Variants in FGD5 observed in about 807,000 individuals in gnomAD.
FGD5 encodes FYVE, RhoGEF and PH domain-containing protein 5.
A neutral mutation model predicts 133.4 loss-of-function variants in FGD5; 28 were observed. The ratio of observed to expected loss-of-function variants is 0.21; its 90% CI spans 0.16 to 0.29. FGD5 has a LOEUF of 0.29. FGD5 is among the 10% of genes least tolerant of loss of function. The probability of loss-of-function intolerance (pLI) is 1.00; values close to 1 mark genes in which losing one functional copy is unlikely to be tolerated. For missense variants in FGD5, 1,858 were observed against 1,895.2 expected (o/e 0.98, Z 0.36); for synonymous variants, 810 against 776.5 (o/e 1.04, Z -0.72).
At chr3:14,836,319 C>T (rs1221344682) in intron 1 of FGD5, among the ~76,000 whole-genome samples, 1 of 152,214 alleles carries the variant, frequency 6.6e-6, no homozygotes, top group African/African-American at 2.4e-5. Context: ...CTGGTTCAAG[C>T]CCAAGTTTGC....
intron 1 of FGD5, among the ~76,000 whole-genome samples, chr3:14,842,492 C>T (rs1244775957): frequency 6.6e-6 from 1 of 152,244 alleles, no homozygotes. Flanking sequence ...ACCCATTATT[C>T]AGCTTCCCTC....
In FGD5 at chr3:14,933,435, C is replaced by T; in HGVS notation, c.*268C>T. ...CCCAGTAATAAACTATTTCCTTACC[C>T]CGCAGTGAGTTAAAATTTAGTAAGA... On this transcript the variant is annotated 3_prime_UTR_variant, in exon 20 of 20. Coordinates refer to ENST00000285046, the MANE Select transcript of FGD5 (RefSeq NM_152536.4). 1 of 441,396 alleles carries T rather than the reference C, an allele frequency of 2.3e-6. No homozygotes were observed. Among genetic ancestry groups the T allele is most frequent in the Non-Finnish European group, 4.1e-6 (1 of 244,220 alleles). 27.3% of individuals were successfully genotyped at this position (441,396 alleles called of 1,614,324 possible). A position where few individuals can be genotyped will look rare whatever the true frequency, so the allele number is the denominator to read the frequency against.
chr3:14,839,960 A>G (rs1358315558), intron 1 of FGD5, among the ~76,000 whole-genome samples: 3 of 150,910 alleles, frequency 2.0e-5, no homozygotes, highest in African/African-American at 4.9e-5. Flanking sequence ...AAACAAACAA[A>G]CAAACAGTGT....
chr3:14,819,496 C>T lies in FGD5; in HGVS notation c.425C>T (p.Ala142Val), dbSNP rs1462999768. 1.9e-6 allele frequency: 3 copies of T among 1,551,394 alleles called. 1 individual carries two copies. The highest frequency in any genetic ancestry group is 2.4e-5 in the South Asian group (2 of 84,048). Residue 142 changes from alanine to valine, a missense_variant, in exon 1 of 20, where the codon GCT (alanine) becomes GTT (valine). Ala to Val is a moderately conservative substitution (Grantham distance 64). Around this residue, in one of 3 missense-constraint regions of FGD5, gnomAD observed 1,824 missense variants for 1,848.9 expected, o/e 0.99. Coordinates refer to ENST00000285046, the MANE Select transcript of FGD5 (RefSeq NM_152536.4). The surrounding 1 kb of genome is among the most constrained non-coding windows in gnomAD (Gnocchi z 4.1). ...GAGGGTGAGGAAGGCACAGACCTTG[C>T]TCTTGAGGATGAAGGGGAGGGCTGC... The part of the protein sequence containing the change: ...SREGEEGTDL[A>V]LEDEGEGCAD...
At chr3:14,896,759 C>T (rs910793182) in intron 4 of FGD5, among the ~76,000 whole-genome samples, 45 of 152,298 alleles carry the variant, frequency 3.0e-4, no homozygotes, top group Middle Eastern at 3.4e-3. Flanking sequence ...GTGTGAGCCA[C>T]TGTGCCCAGC....
At chr3:14,903,651 G>A (rs7618031) in intron 9 of FGD5, among the ~76,000 whole-genome samples, 127,996 of 151,882 alleles carry the variant, frequency 0.84, 54,138 homozygotes, top group East Asian at 0.98. Flanking sequence ...ATGATTTCCA[G>A]TTTCATCCAT....
At chr3:14,882,160 G>A (rs2037837070) in intron 4 of FGD5, 2 of 310,612 alleles carry the variant, frequency 6.4e-6, no homozygotes, top group Admixed American at 6.5e-5. Context: ...ATACCTAAAA[G>A]ATCTATTTGG....
intron 1 of FGD5, among the ~76,000 whole-genome samples, chr3:14,852,363 G>T (rs1468617688): frequency 6.6e-6 from 1 of 152,240 alleles, no homozygotes; most frequent in Non-Finnish European, 1.5e-5. Flanking sequence ...ATGATTTCAT[G>T]TAATGAAATG....
intron 2 of FGD5, among the ~76,000 whole-genome samples, chr3:14,876,521 A>AAAATAAATAAAT (rs529307518): frequency 6.6e-6 from 1 of 152,126 alleles, no homozygotes; most frequent in South Asian, 2.1e-4. Flanking sequence ...TTTTATGCAA[A>AAAATAAATAAAT]AAATAAATAA....
intron 1 of FGD5, among the ~76,000 whole-genome samples, chr3:14,852,905 G>A (rs2037194311): frequency 6.6e-6 from 1 of 152,174 alleles, no homozygotes; most frequent in African/African-American, 2.4e-5. Context: ...CAGGCTGTGG[G>A]ATGTGTGTGT....
chr3:14,875,256 A>G (rs2037694234), intron 2 of FGD5, among the ~76,000 whole-genome samples: 1 of 152,002 alleles, frequency 6.6e-6, no homozygotes. Flanking sequence ...CACAAGGAAA[A>G]TTTCCCCAGG....
At chr3:14,840,411 C>T (rs1409801358) in intron 1 of FGD5, among the ~76,000 whole-genome samples, 1 of 152,146 alleles carries the variant, frequency 6.6e-6, no homozygotes, top group African/African-American at 2.4e-5. Context: ...TCCCAAAGTG[C>T]TGGGATTACA....
chr3:14,909,174 G>T (rs554716239), intron 10 of FGD5, among the ~76,000 whole-genome samples: 1 of 152,110 alleles, frequency 6.6e-6, no homozygotes, highest in South Asian at 2.1e-4. Flanking sequence ...CTCCATGTTG[G>T]TCAGGCTGGT....
rs1448630696 is a variant in FGD5 at position 14,820,003 on chromosome 3, C to T, written c.932C>T (p.Thr311Ile). ...KKTNQEVAAA[T>I]LEDHAQDESA... ...ACCAACCAAGAAGTGGCAGCCGCCA[C>T]CCTGGAGGACCATGCACAGGATGAG... The change falls in exon 1 of 20, where the codon ACC (threonine) becomes ATC (isoleucine). Residue 311 changes from threonine (T) to isoleucine (I), a missense_variant. Physicochemically the swap from Thr to Ile is moderately conservative, Grantham distance 89. Around this residue, in one of 3 missense-constraint regions of FGD5, gnomAD observed 1,824 missense variants for 1,848.9 expected, o/e 0.99. Transcript: ENST00000285046. The T allele has an allele frequency of 1.9e-6, 3 of 1,613,918 alleles. No individual in the cohort carries two copies. The highest frequency in any genetic ancestry group is 2.5e-6 in the Non-Finnish European group (3 of 1,179,866).
At position 14,934,066 on chromosome 3, in the gene FGD5, GTTT is replaced by G. The variant is rs1313452077; in HGVS notation, c.*900_*902del. 2.0e-5 allele frequency: 3 copies of G among 152,208 alleles called. No homozygotes were observed. The highest frequency in any genetic ancestry group is 7.2e-5 in the African/African-American group (3 of 41,448). The allele number at this position is 152,208 out of a possible 1,614,324, so 9.4% of individuals were successfully genotyped here. ...TTACCTCACTCAAGCTGACAACATT[GTTT>G]ATGGGAATCTATCCTTCTTTTAGAC... is the stretch of plus-strand genomic sequence containing the variant. On this transcript the variant is annotated 3_prime_UTR_variant, in exon 20 of 20. Transcript: ENST00000285046.
chr3:14,918,021 A>G (rs1454514114), intron 12 of FGD5, among the ~76,000 whole-genome samples: 2 of 152,222 alleles, frequency 1.3e-5, no homozygotes, highest in Non-Finnish European at 2.9e-5. Flanking sequence ...GATAGACCAC[A>G]TGGTGTTTAT....
intron 1 of FGD5, among the ~76,000 whole-genome samples, chr3:14,822,973 C>T (rs1210973491): frequency 6.6e-6 from 1 of 152,234 alleles, no homozygotes; most frequent in African/African-American, 2.4e-5. Context: ...TCCATCTTCT[C>T]ACTATCCCAA....
At chr3:14,865,712 G>A (rs2037481238) in intron 2 of FGD5, among the ~76,000 whole-genome samples, 1 of 152,226 alleles carries the variant, frequency 6.6e-6, no homozygotes, top group South Asian at 2.1e-4. Context: ...CAGAGGTTCT[G>A]AGAGGTTAAG....
chr3:14,861,348 A>T (rs185170315), intron 1 of FGD5, among the ~76,000 whole-genome samples: 8 of 152,322 alleles, frequency 5.3e-5, no homozygotes, highest in African/African-American at 1.9e-4. Flanking sequence ...GCCAACAAAC[A>T]GCCAAGCCAG....
Sources: allele counts gnomAD v4.1 joint callset (sites outside exome capture counted in the v4.1 genomes callset), GRCh38; gene constraint gnomAD v4.1.1; regional missense constraint gnomAD v4.1.1; non-coding constraint Gnocchi (gnomAD v3.1); transcripts MANE v1.5; gene names NCBI Gene and HGNC (gene_info 2026-07-23, HGNC 2026-07-21).